The following HOXC6 variants were observed in gnomAD, a reference collection of about 807,000 sequenced individuals.
HOXC6 encodes the protein homeobox protein Hox-C6.
HOXC6 carries 10 observed loss-of-function variants against 24.0 expected under a neutral mutation model. The observed-to-expected ratio is 0.42, with a 90% CI of 0.26 to 0.71. The LOEUF is 0.71. Ranked by LOEUF, HOXC6 falls within the 30% of genes least tolerant of loss-of-function variation. The pLI is 0.28. For synonymous variants in HOXC6, 123 were observed against 128.1 expected (o/e 0.96, Z 0.27); for missense variants, 258 against 303.4 (o/e 0.85, Z 1.11).
In HOXC6 at chr12:54,029,801, C is replaced by A. The variant is rs753193612; in HGVS notation, c.547C>A (p.Arg183=). The A allele has an allele frequency of 6.2e-7, 1 of 1,613,890 alleles. No individual in the cohort carries two copies. The highest frequency in any genetic ancestry group is 8.5e-7 in the Non-Finnish European group (1 of 1,180,010). The change falls in exon 2 of 2, where the codon CGA becomes AGA. Residue 183 remains arginine (R), a synonymous_variant. Coordinates refer to ENST00000243108, the MANE Select transcript of HOXC6 (RefSeq NM_004503.4). ...CGCCAACGCGCTTTGCCTGACCGAG[C>A]GACAGATCAAAATCTGGTTCCAGAA... is the stretch of plus-strand genomic sequence containing the variant. ...EIANALCLTE[R]QIKIWFQNRR...
At chr12:54,025,431 C>G (rs189986609), upstream of HOXC6, among the ~76,000 whole-genome samples, 596 of 151,878 alleles carry the variant, frequency 3.9e-3, 1 homozygote, top group Non-Finnish European at 5.8e-3. Context: ...CTGCTCTCCC[C>G]CCTTGGAGCG....
At chr12:54,025,113 T>C (rs1388911099), upstream of HOXC6, among the ~76,000 whole-genome samples, 2 of 152,188 alleles carry the variant, frequency 1.3e-5, no homozygotes, top group Non-Finnish European at 1.5e-5. Context: ...TGGGGGGTAG[T>C]GTTCTCTGAT....
chr12:54,021,533 AG>A (rs1940437507), intron 1 of HOXC6: 1 of 152,236 alleles, frequency 6.6e-6, no homozygotes, highest in African/African-American at 2.4e-5. Flanking sequence ...ACCCCATAAA[AG>A]AAAGCAGGGA....
chr12:54,019,874 C>T (rs896686557), intron 1 of HOXC6: 1 of 152,146 alleles, frequency 6.6e-6, no homozygotes, highest in Non-Finnish European at 1.5e-5. Context: ...CTCCCCCACC[C>T]CCATCCTATG....
At position 54,030,505 on chromosome 12, in the gene HOXC6, A is replaced by G. The variant is rs1435946904; in HGVS notation, c.*543A>G. ...CCCAGCAAATGCCCAGCCCAGGCAA[A>G]TTGTATTTAAAGAATCCTGGGGGTC... On this transcript the variant is annotated 3_prime_UTR_variant, in exon 2 of 2. Transcript: ENST00000243108. The G allele has an allele frequency of 6.5e-6, 1 of 152,778 alleles. No individual in the cohort carries two copies. Among genetic ancestry groups the G allele is most frequent in the Admixed American group, 6.5e-5 (1 of 15,294 alleles). 9.5% of individuals were successfully genotyped at this position (152,778 alleles called of 1,614,324 possible).
chr12:54,018,018 T>C (rs1048391185), intron 1 of HOXC6, among the ~76,000 whole-genome samples: 3 of 152,166 alleles, frequency 2.0e-5, no homozygotes, highest in Non-Finnish European at 4.4e-5. Flanking sequence ...GCGGGGCCTG[T>C]TAATTGGCAA....
upstream of HOXC6, among the ~76,000 whole-genome samples, chr12:54,024,847 G>A (rs536616716): frequency 5.3e-5 from 8 of 152,236 alleles, no homozygotes; most frequent in African/African-American, 1.7e-4. Flanking sequence ...GGTCCAAGGC[G>A]CAGGCAGTAA....
chr12:54,028,743 T>G lies in HOXC6; in HGVS notation c.222T>G (p.Ser74=). ...SSSRGPYDYG[S]NSFYQEKDML... is the part of the protein sequence containing the mutation. ...GCCGGGGGCCGTATGACTATGGATC[T>G]AATTCCTTTTACCAGGAGAAAGACA... is the stretch of plus-strand genomic sequence containing the variant. Residue 74 remains serine (S), a synonymous_variant, in exon 1 of 2, where the codon TCT becomes TCG. Coordinates refer to ENST00000243108, the MANE Select transcript of HOXC6 (RefSeq NM_004503.4). 6.2e-7 allele frequency: 1 copy of G among 1,614,118 alleles called. No individual in the cohort carries two copies. The highest frequency in any genetic ancestry group is 1.1e-5 in the South Asian group (1 of 91,082).
At chr12:54,029,088 C>T (rs1940865093) in intron 1 of HOXC6, among the ~76,000 whole-genome samples, 167 bp downstream of exon 1, 1 of 151,876 alleles carries the variant, frequency 6.6e-6, no homozygotes, top group African/African-American at 2.4e-5. Context: ...GCTCGCCTCT[C>T]GCTCGCTTGC....
Position 54,028,476 on chromosome 12 carries a change from A to G in HOXC6, c.-46A>G. On this transcript the variant is annotated 5_prime_UTR_variant, in exon 1 of 2. Coordinates refer to ENST00000243108, the MANE Select transcript of HOXC6 (RefSeq NM_004503.4). The stretch of plus-strand genomic sequence containing the variant: ...GTTCCGAGTACAAACTGGAGACAGA[A>G]ATAAATATTAAAGAAATCATAGACC... 6.3e-7 allele frequency: 1 copy of G among 1,577,340 alleles called. No homozygotes were observed. Among genetic ancestry groups the G allele is most frequent in the Non-Finnish European group, 8.6e-7 (1 of 1,159,280 alleles).
chr12:54,029,578 G>T, intron 1 of HOXC6, 77 bp from the exon 2 acceptor site: 1 of 1,490,550 alleles, frequency 6.7e-7, no homozygotes, highest in South Asian at 1.3e-5. Context: ...GGGAGGGTCA[G>T]GACTTTGCTA....
chr12:54,028,264 TATA>T (rs1434578411), upstream of HOXC6: 6 of 72,028 alleles, frequency 8.3e-5, no homozygotes, highest in African/African-American at 1.9e-4. Context: ...TATATATATA[TATA>T]TTTTTTAAAA....
At chr12:54,025,337 A>G (rs1437437401), upstream of HOXC6, among the ~76,000 whole-genome samples, 1 of 152,228 alleles carries the variant, frequency 6.6e-6, no homozygotes, top group Admixed American at 6.5e-5. Context: ...ATAGACAGCC[A>G]TTCTTTTGCC....
At chr12:54,029,612 C>CT in intron 1 of HOXC6, 43 bp from the exon 2 acceptor site, 1 of 1,585,424 alleles carries the variant, frequency 6.3e-7, no homozygotes, top group Non-Finnish European at 8.6e-7. Flanking sequence ...GCAGAGGACG[C>CT]TTTGCTGATT....
intron 1 of HOXC6, chr12:54,017,496 G>A (rs761576576): frequency 2.0e-5 from 3 of 151,996 alleles, no homozygotes; most frequent in Admixed American, 6.6e-5. Flanking sequence ...GCTTCTCTTG[G>A]TTAGGGAGAA....
At chr12:54,024,761 G>A (rs954032494), upstream of HOXC6, among the ~76,000 whole-genome samples, 1 of 152,094 alleles carries the variant, frequency 6.6e-6, no homozygotes, top group African/African-American at 2.4e-5. Flanking sequence ...ACTTGCCTAG[G>A]GAAATCCCCA....
chr12:54,024,212 T>A (rs924877185), upstream of HOXC6, among the ~76,000 whole-genome samples: 4 of 151,820 alleles, frequency 2.6e-5, no homozygotes, highest in Non-Finnish European at 5.9e-5. Context: ...CAACCGTTCT[T>A]CTCTTGCTCA....
At chr12:54,027,369 G>A (rs1375443172), upstream of HOXC6, among the ~76,000 whole-genome samples, 1 of 152,166 alleles carries the variant, frequency 6.6e-6, no homozygotes, top group African/African-American at 2.4e-5. Flanking sequence ...GGGCAGGGGG[G>A]CTTCTGACCA....
chr12:54,025,568 C>T (rs1023734782), upstream of HOXC6, among the ~76,000 whole-genome samples: 1 of 148,006 alleles, frequency 6.8e-6, no homozygotes, highest in Non-Finnish European at 1.5e-5. Context: ...TGCCAAAGGT[C>T]TTTAAGCAGT....
Sources: gnomAD v4.1 joint callset for allele counts (sites outside exome capture counted in the v4.1 genomes callset) on GRCh38, gnomAD v4.1.1 for gene constraint, MANE v1.5 for transcripts, NCBI Gene and HGNC (gene_info 2026-07-23, HGNC 2026-07-21) for gene names.